Variants in NKX1-2 observed in about 807,000 individuals in gnomAD.
NKX1-2 encodes the protein NK1 transcription factor-related protein 2.
Under a neutral mutation model 4.4 loss-of-function variants are expected in NKX1-2, and 1 was observed. That is an observed-to-expected ratio of 0.23 (90% confidence interval 0.08 to 1.08). The LOEUF (loss-of-function observed/expected upper bound fraction) is 1.08. Among genes scored for constraint, NKX1-2 ranks in the 50% least tolerant of loss-of-function variants. The pLI, the probability that NKX1-2 is intolerant of heterozygous loss-of-function variation, is 0.55. For missense variants in NKX1-2, 503 were observed against 464.6 expected, an observed-to-expected ratio of 1.08 and a Z score of -0.76; for synonymous variants, 235 against 228.0, an observed-to-expected ratio of 1.03 and a Z score of -0.28.
Position 124,447,813 on chromosome 10 carries a change from C to T in NKX1-2, c.549G>A (p.Arg183=). Residue 183 remains arginine, a synonymous_variant, in exon 2 of 2, where the codon CGG becomes CGA. Coordinates refer to ENST00000451024, the MANE Select transcript of NKX1-2 (RefSeq NM_001146340.3). The part of the protein sequence containing the change: ...EQLVALENKF[R]ATRYLSVCER... ...CGCACACTGACAGGTAGCGCGTGGCCCGGAACTTGTTCTCCAAGGCCACCA... is the reference window on the plus strand; with the variant it reads ...CGCACACTGACAGGTAGCGCGTGGCTCGGAACTTGTTCTCCAAGGCCACCA... 2 of 1,479,780 alleles carry T rather than the reference C, an allele frequency of 1.4e-6. No homozygotes were observed. The highest frequency in any genetic ancestry group is 5.8e-5 in the East Asian group (2 of 34,278). 91.7% of individuals were successfully genotyped at this position (1,479,780 alleles called of 1,614,324 possible).
Position 124,446,252 on chromosome 10 carries a change from A to C in NKX1-2, c.*1177T>G, listed in dbSNP as rs1952235961. On this transcript the variant is annotated 3_prime_UTR_variant, in exon 2 of 2. Coordinates refer to ENST00000451024, the MANE Select transcript of NKX1-2 (RefSeq NM_001146340.3). ...CCATGTATCAGATTCCTGGAGGTGA[A>C]TCCATTAGGAATATGACGGCTCTTC... is the stretch of plus-strand genomic sequence containing the variant. 6.6e-6 allele frequency: 1 copy of C among 152,222 alleles called. No homozygotes were observed. The highest frequency in any genetic ancestry group is 2.4e-5 in the African/African-American group (1 of 41,460). 9.4% of individuals were successfully genotyped at this position (152,222 alleles called of 1,614,324 possible).
chr10:124,449,564 C>T lies in NKX1-2; in HGVS notation c.214+166G>A. 2.8e-6 allele frequency: 2 copies of T among 708,266 alleles called. No homozygotes were observed. Among genetic ancestry groups the T allele is most frequent in the Non-Finnish European group, 5.1e-6 (2 of 391,026 alleles). The allele number at this position is 708,266 out of a possible 1,614,324, so 43.9% of individuals were successfully genotyped here. ...GTAATGCGGGGAGCCTCCTCTCTGC[C>T]TCTATCCAAGTCCGAGGCGGGGGCT... On this transcript the variant is annotated intron_variant, in intron 1 of 1. Transcript: ENST00000451024. The surrounding 1 kb of genome is among the most constrained non-coding windows in gnomAD (Gnocchi z 7.5).
rs1262260343 is a variant in NKX1-2 at position 124,448,107 on chromosome 10, C to T, written c.255G>A (p.Glu85=). The T allele has an allele frequency of 6.6e-7, 1 of 1,513,724 alleles. No individual in the cohort carries two copies. The highest frequency in any genetic ancestry group is 8.8e-7 in the Non-Finnish European group (1 of 1,136,760). The allele number at this position is 1,513,724 out of a possible 1,614,324, so 93.8% of individuals were successfully genotyped here. Residue 85 remains glutamate (E), a synonymous_variant, in exon 2 of 2, where the codon GAG becomes GAA. Transcript: ENST00000451024. This position sits in a 1 kb window ranked among gnomAD's most constrained non-coding sequence, Gnocchi z 4.1. ...GPGAGQASPL[E]GSEAEEEEDA... ...CCTCCTCCTCTTCCGCCTCGGAACC[C>T]TCCAGGGGGGACGCCTGGCCGGCGC...
chr10:124,447,588 G>A lies in NKX1-2; in HGVS notation c.774C>T (p.Thr258=). The A allele has an allele frequency of 7.9e-7, 1 of 1,270,574 alleles. No individual in the cohort carries two copies. Among genetic ancestry groups the A allele is most frequent in the Non-Finnish European group, 9.9e-7 (1 of 1,006,974 alleles). The allele number at this position is 1,270,574 out of a possible 1,614,324, so 78.7% of individuals were successfully genotyped here. The change falls in exon 2 of 2, where the codon ACC becomes ACT. Residue 258 remains threonine (T), a synonymous_variant. Transcript: ENST00000451024. ...GSGGSPGPPG[T]GALHFQTFPS... ...GGAAAGTCTGGAAGTGCAGAGCGCC[G>A]GTGCCGGGAGGGCCAGGACTGCCCC...
chr10:124,447,663 A>AC lies in NKX1-2; in HGVS notation c.698dup (p.Gly234TrpfsTer161). ...CCGCCGCCCCTGGCTGGGGCGCGCC[A>AC]CCCCCCACCTGCGCCGCGCCGTCGG... On this transcript the variant is annotated frameshift_variant, in exon 2 of 2. Transcript: ENST00000451024. LOFTEE classifies it low-confidence loss of function (END_TRUNC). 2 of 1,349,546 alleles carry AC rather than the reference A, an allele frequency of 1.5e-6. No individual in the cohort carries two copies. The highest frequency in any genetic ancestry group is 2.1e-5 in the South Asian group (1 of 47,706). 83.6% of individuals were successfully genotyped at this position (1,349,546 alleles called of 1,614,324 possible). A position where few individuals can be genotyped will look rare whatever the true frequency, so the allele number is the denominator to read the frequency against.
chr10:124,447,575 A>C lies in NKX1-2; in HGVS notation c.787T>G (p.Phe263Val). The change falls in exon 2 of 2, where the codon TTC becomes GTC. Residue 263 changes from phenylalanine (F) to valine (V), a missense_variant. Coordinates refer to ENST00000451024, the MANE Select transcript of NKX1-2 (RefSeq NM_001146340.3). ...PGPPGTGALH[F>V]QTFPSYSAAN... Reference sequence around the variant, plus strand: ...GCGGAGTAGGAGGGGAAAGTCTGGAAGTGCAGAGCGCCGGTGCCGGGAGGG... The same window carrying C: ...GCGGAGTAGGAGGGGAAAGTCTGGACGTGCAGAGCGCCGGTGCCGGGAGGG... 7.9e-7 allele frequency: 1 copy of C among 1,271,902 alleles called. No homozygotes were observed. Among genetic ancestry groups the C allele is most frequent in the African/African-American group, 1.5e-5 (1 of 64,712 alleles). The allele number at this position is 1,271,902 out of a possible 1,614,324, so 78.8% of individuals were successfully genotyped here.
rs535094805 is a variant in NKX1-2 at position 124,446,736 on chromosome 10, T to G, written c.*693A>C. The G allele has an allele frequency of 6.6e-6, 1 of 152,358 alleles. No individual in the cohort carries two copies. The highest frequency in any genetic ancestry group is 1.5e-5 in the Non-Finnish European group (1 of 68,046). 9.4% of individuals were successfully genotyped at this position (152,358 alleles called of 1,614,324 possible). A position where few individuals can be genotyped will look rare whatever the true frequency, so the allele number is the denominator to read the frequency against. On this transcript the variant is annotated 3_prime_UTR_variant, in exon 2 of 2. Transcript: ENST00000451024. ...TGAGTCTAGCTGCAAATCAGTCACCTTTCCTACCACAAACTTCTGGCCTAC... is the reference window on the plus strand; with the variant it reads ...TGAGTCTAGCTGCAAATCAGTCACCGTTCCTACCACAAACTTCTGGCCTAC...
chr10:124,448,117 G>T lies in NKX1-2; in HGVS notation c.245C>A (p.Ser82Tyr). The T allele has an allele frequency of 2.7e-6, 4 of 1,504,070 alleles. No homozygotes were observed. Among genetic ancestry groups the T allele is most frequent in the Non-Finnish European group, 3.5e-6 (4 of 1,132,754 alleles). 93.2% of individuals were successfully genotyped at this position (1,504,070 alleles called of 1,614,324 possible). A position where few individuals can be genotyped will look rare whatever the true frequency, so the allele number is the denominator to read the frequency against. Reference protein sequence around the residue: ...DAAGPGAGQASPLEGSEAEEE... With the variant: ...DAAGPGAGQAYPLEGSEAEEE... ...TTCCGCCTCGGAACCCTCCAGGGGG[G>T]ACGCCTGGCCGGCGCCTGGGCCCGC... Residue 82 changes from serine (S) to tyrosine (Y), a missense_variant, in exon 2 of 2, where the codon TCC (serine) becomes TAC (tyrosine). Transcript: ENST00000451024. This position sits in a 1 kb window ranked among gnomAD's most constrained non-coding sequence, Gnocchi z 4.1.
rs775414678 is a variant in NKX1-2, at chr10:124,447,856, G to A, written c.506C>T (p.Ala169Val). ...GGCCACCAGCTGCTCGTAGGTGAAG[G>A]CGGTGCGCGCGCGCCGCGGCTTGGC... ...NCAKPRRART[A>V]FTYEQLVALE... is the part of the protein sequence containing the mutation. The change falls in exon 2 of 2, where the codon GCC (alanine) becomes GTC (valine). Residue 169 changes from alanine (A) to valine (V), a missense_variant. By Grantham distance (64) the Ala-to-Val change is moderately conservative (BLOSUM62 0). Transcript: ENST00000451024. 47 of 1,453,508 alleles carry A rather than the reference G, an allele frequency of 3.2e-5. No homozygotes were observed. The South Asian group carries it at 6.3e-4, about 20-fold the overall frequency. The allele number at this position is 1,453,508 out of a possible 1,614,324, so 90.0% of individuals were successfully genotyped here.
chr10:124,445,330 G>A lies in NKX1-2; in HGVS notation c.*2099C>T, dbSNP rs1175716044. ...GAAAGCCACTGGGCCTTTTAAAGCA[G>A]CAGAAGTCCAAAGTCACACGCTTCA... is the stretch of plus-strand genomic sequence containing the variant. On this transcript the variant is annotated 3_prime_UTR_variant, in exon 2 of 2. Coordinates refer to ENST00000451024, the MANE Select transcript of NKX1-2 (RefSeq NM_001146340.3). The A allele has an allele frequency of 4.6e-5, 7 of 152,212 alleles. No homozygotes were observed. Among genetic ancestry groups the A allele is most frequent in the South Asian group, 2.1e-4 (1 of 4,834 alleles). The allele number at this position is 152,212 out of a possible 1,614,324, so 9.4% of individuals were successfully genotyped here.
In NKX1-2 at chr10:124,447,015, CAG is replaced by C. The variant is rs1952244051; in HGVS notation, c.*412_*413del. 6.3e-6 allele frequency: 1 copy of C among 158,480 alleles called. No homozygotes were observed. Among genetic ancestry groups the C allele is most frequent in the Admixed American group, 6.5e-5 (1 of 15,452 alleles). The allele number at this position is 158,480 out of a possible 1,614,324, so 9.8% of individuals were successfully genotyped here. Reference sequence around the variant, plus strand: ...AGGAGGGGAAGCTGTCAGTTGTGAACAGAGACTGTTTCTCACCCTCTGATGAG... The same window carrying C: ...AGGAGGGGAAGCTGTCAGTTGTGAACAGACTGTTTCTCACCCTCTGATGAG... On this transcript the variant is annotated 3_prime_UTR_variant, in exon 2 of 2. Transcript: ENST00000451024.
rs112110277 is a variant in NKX1-2, at chr10:124,449,180, C to T, written c.214+550G>A. ...CCGAGCCCCGCCCCCAGCCCAGTCCCAGTTAACAGTTGAGTCTGGGGAGCT... is the reference window on the plus strand; with the variant it reads ...CCGAGCCCCGCCCCCAGCCCAGTCCTAGTTAACAGTTGAGTCTGGGGAGCT... On this transcript the variant is annotated intron_variant, in intron 1 of 1. Coordinates refer to ENST00000451024, the MANE Select transcript of NKX1-2 (RefSeq NM_001146340.3). The surrounding 1 kb of genome is among the most constrained non-coding windows in gnomAD (Gnocchi z 7.5). 7.4e-3 allele frequency among the ~76,000 whole-genome samples: 1,129 copies of T among 152,348 alleles called. 4 individuals are homozygous for T. Among genetic ancestry groups the T allele is most frequent in the Non-Finnish European group, 0.013 (893 of 68,042 alleles).
In NKX1-2 at chr10:124,449,467, C is replaced by T; in HGVS notation, c.214+263G>A. 1.5e-6 allele frequency: 1 copy of T among 686,310 alleles called. No individual in the cohort carries two copies. Among genetic ancestry groups the T allele is most frequent in the Non-Finnish European group, 2.7e-6 (1 of 374,888 alleles). 42.5% of individuals were successfully genotyped at this position (686,310 alleles called of 1,614,324 possible). A position where few individuals can be genotyped will look rare whatever the true frequency, so the allele number is the denominator to read the frequency against. ...GGCAAGACAGGCGCCAGGTAAGTTT[C>T]CACCGCGAGCATCAGAACTGTGGTG... is the stretch of plus-strand genomic sequence containing the variant. On this transcript the variant is annotated intron_variant, in intron 1 of 1. Transcript: ENST00000451024. The surrounding 1 kb of genome is among the most constrained non-coding windows in gnomAD (Gnocchi z 7.5).
Position 124,448,463 on chromosome 10 carries a change from A to T in NKX1-2, c.215-316T>A, listed in dbSNP as rs1952266781. 1 of 257,256 alleles carries T rather than the reference A, an allele frequency of 3.9e-6. No individual in the cohort carries two copies. The highest frequency in any genetic ancestry group is 7.3e-6 in the Non-Finnish European group (1 of 137,768). 15.9% of individuals were successfully genotyped at this position (257,256 alleles called of 1,614,324 possible). ...TGGGGGGTAGGATCATTGTATTAAG[A>T]CATCTAGATGTCAAACGCTTTTAGG... is the stretch of plus-strand genomic sequence containing the variant. On this transcript the variant is annotated intron_variant, in intron 1 of 1. Coordinates refer to ENST00000451024, the MANE Select transcript of NKX1-2 (RefSeq NM_001146340.3). This position sits in a 1 kb window ranked among gnomAD's most constrained non-coding sequence, Gnocchi z 4.1.
chr10:124,447,667 C>CCCGCCTGCGCCG lies in NKX1-2; in HGVS notation c.694_695insCGGCGCAGGCGG (p.Val231_Gly232insAlaAlaGlnAla). 7.2e-7 allele frequency: 1 copy of CCCGCCTGCGCCG among 1,383,832 alleles called. No homozygotes were observed. Among genetic ancestry groups the CCCGCCTGCGCCG allele is most frequent in the Non-Finnish European group, 9.5e-7 (1 of 1,057,804 alleles). The allele number at this position is 1,383,832 out of a possible 1,614,324, so 85.7% of individuals were successfully genotyped here. A position where few individuals can be genotyped will look rare whatever the true frequency, so the allele number is the denominator to read the frequency against. On this transcript the variant is annotated inframe_insertion, in exon 2 of 2. Transcript: ENST00000451024. ...CGCCCCTGGCTGGGGCGCGCCACCC[C>CCCGCCTGCGCCG]CCACCTGCGCCGCGCCGTCGGCACC...
Position 124,447,528 on chromosome 10 carries a change from G to T in NKX1-2, c.834C>A (p.Ser278=). The part of the protein sequence containing the change: ...SYSAANVLFP[S]AASFPLTAAA... ...CAGCCGTCAGCGGGAAGGAGGCGGCGGACGGGAAGAGGACATTGGCCGCGG... is the reference window on the plus strand; with the variant it reads ...CAGCCGTCAGCGGGAAGGAGGCGGCTGACGGGAAGAGGACATTGGCCGCGG... The change falls in exon 2 of 2, where the codon TCC becomes TCA. Residue 278 remains serine (S), a synonymous_variant. Transcript: ENST00000451024. The T allele has an allele frequency of 7.8e-7, 1 of 1,274,116 alleles. No homozygotes were observed. The highest frequency in any genetic ancestry group is 9.9e-7 in the Non-Finnish European group (1 of 1,006,416). The allele number at this position is 1,274,116 out of a possible 1,614,324, so 78.9% of individuals were successfully genotyped here.
chr10:124,449,662 T>A lies in NKX1-2; in HGVS notation c.214+68A>T. ...TTAAGGGCCACTCACCGGGCCCGGC[T>A]GTTCCCCCATACACTCCGCATTGTT... On this transcript the variant is annotated intron_variant, in intron 1 of 1. Coordinates refer to ENST00000451024, the MANE Select transcript of NKX1-2 (RefSeq NM_001146340.3). The surrounding 1 kb of genome is among the most constrained non-coding windows in gnomAD (Gnocchi z 7.5). 1 of 1,190,020 alleles carries A rather than the reference T, an allele frequency of 8.4e-7. No homozygotes were observed. The highest frequency in any genetic ancestry group is 1.2e-6 in the Non-Finnish European group (1 of 823,418). 73.7% of individuals were successfully genotyped at this position (1,190,020 alleles called of 1,614,324 possible). A position where few individuals can be genotyped will look rare whatever the true frequency, so the allele number is the denominator to read the frequency against.
Position 124,447,559 on chromosome 10 carries a change from G to C in NKX1-2, c.803C>G (p.Ser268Cys). Residue 268 changes from serine to cysteine, a missense_variant, in exon 2 of 2, where the codon TCC (serine) becomes TGC (cysteine). Ser to Cys is a moderately radical substitution (Grantham distance 112). Coordinates refer to ENST00000451024, the MANE Select transcript of NKX1-2 (RefSeq NM_001146340.3). ...GAAGAGGACATTGGCCGCGGAGTAG[G>C]AGGGGAAAGTCTGGAAGTGCAGAGC... ...TGALHFQTFPSYSAANVLFPS... is the reference protein window; with the variant it reads ...TGALHFQTFPCYSAANVLFPS... 7.8e-7 allele frequency: 1 copy of C among 1,275,420 alleles called. No homozygotes were observed. Among genetic ancestry groups the C allele is most frequent in the Non-Finnish European group, 9.9e-7 (1 of 1,008,546 alleles). 79.0% of individuals were successfully genotyped at this position (1,275,420 alleles called of 1,614,324 possible).
rs986324122 is a variant in NKX1-2 at position 124,447,117 on chromosome 10, C to T, written c.*312G>A. On this transcript the variant is annotated 3_prime_UTR_variant, in exon 2 of 2. Coordinates refer to ENST00000451024, the MANE Select transcript of NKX1-2 (RefSeq NM_001146340.3). Reference sequence around the variant, plus strand: ...GCGTCTCTGCTCCCTGTATTTCCCTCCTGGCATCTTGGTTAGCCCCGCGCC... The same window carrying T: ...GCGTCTCTGCTCCCTGTATTTCCCTTCTGGCATCTTGGTTAGCCCCGCGCC... The T allele has an allele frequency of 4.0e-6, 1 of 250,290 alleles. No individual in the cohort carries two copies. Among genetic ancestry groups the T allele is most frequent in the African/African-American group, 2.2e-5 (1 of 45,098 alleles). The allele number at this position is 250,290 out of a possible 1,614,324, so 15.5% of individuals were successfully genotyped here.
Sources: allele counts gnomAD v4.1 joint callset (sites outside exome capture counted in the v4.1 genomes callset), GRCh38; gene constraint gnomAD v4.1.1; non-coding constraint Gnocchi (gnomAD v3.1); transcripts MANE v1.5; gene names NCBI Gene and HGNC (gene_info 2026-07-23, HGNC 2026-07-21).